The following METAP1D variants were observed in gnomAD, a reference collection of about 807,000 sequenced individuals.
The protein encoded by METAP1D is methionyl aminopeptidase type 1D, mitochondrial, also known as methionine aminopeptidase 1D, mitochondrial.
Under a neutral mutation model 40.5 loss-of-function variants are expected in METAP1D, and 31 were observed. The ratio of observed to expected loss-of-function variants is 0.77; its 90% CI spans 0.58 to 1.03. METAP1D has a LOEUF of 1.03. Among genes scored for constraint, METAP1D ranks in the 50% least tolerant of loss-of-function variants. The probability of loss-of-function intolerance (pLI) is 0.00; values close to 1 mark genes in which losing one functional copy is unlikely to be tolerated. For missense variants in METAP1D, 411 were observed against 420.7 expected, an observed-to-expected ratio of 0.98 and a Z score of 0.20; for synonymous variants, 151 against 146.4, an observed-to-expected ratio of 1.03 and a Z score of -0.22.
Position 172,036,333 on chromosome 2 carries a change from G to A in METAP1D, c.41-25165G>A, listed in dbSNP as rs895473710. Among the ~76,000 whole-genome samples, 108 of 136,560 alleles carry A rather than the reference G, an allele frequency of 7.9e-4. 3 individuals carry two copies. Among genetic ancestry groups the A allele is most frequent in the Non-Finnish European group, 1.7e-4 (11 of 63,578 alleles). 89.6% of individuals were successfully genotyped at this position (136,560 alleles called of 152,430 possible). ...CTCTGTCTCAAGAAAAAAAAAAAAA[G>A]AATTTACTGTAATTTATTCTGTAGT... On this transcript the variant is annotated intron_variant, in intron 1 of 9. Transcript: ENST00000315796.
chr2:172,081,024 C>T lies in METAP1D; in HGVS notation c.*618C>T, dbSNP rs1419916429. 1 of 156,648 alleles carries T rather than the reference C, an allele frequency of 6.4e-6. No homozygotes were observed. The highest frequency in any genetic ancestry group is 1.4e-5 in the Non-Finnish European group (1 of 70,950). 9.7% of individuals were successfully genotyped at this position (156,648 alleles called of 1,614,324 possible). On this transcript the variant is annotated 3_prime_UTR_variant, in exon 10 of 10. Transcript: ENST00000315796. Reference sequence around the variant, plus strand: ...ACAGAGGCATTGATTACAAACATGTCCTTGGCAGTGGACTCTGGGCCTGGC... The same window carrying T: ...ACAGAGGCATTGATTACAAACATGTTCTTGGCAGTGGACTCTGGGCCTGGC...
At chr2:172,007,303 G>A (rs1391674332) in intron 1 of METAP1D, among the ~76,000 whole-genome samples, 1 of 151,590 alleles carries the variant, frequency 6.6e-6, no homozygotes, top group Non-Finnish European at 1.5e-5. Flanking sequence ...CCAAGTAGCT[G>A]GGACTATAGG....
intron 1 of METAP1D, among the ~76,000 whole-genome samples, chr2:172,037,398 C>T (rs376376868): frequency 7.2e-5 from 11 of 151,944 alleles, no homozygotes; most frequent in East Asian, 3.9e-4. Context: ...ACAACTGCTA[C>T]GCTAGAGACC....
At chr2:172,043,664 T>TA (rs929922827) in intron 1 of METAP1D, among the ~76,000 whole-genome samples, 5 of 133,970 alleles carry the variant, frequency 3.7e-5, no homozygotes, top group African/African-American at 1.3e-4. Context: ...ACCAAGGAGT[T>TA]AAAAAAAACC....
At chr2:172,022,168 T>C (rs1689022980) in intron 1 of METAP1D, among the ~76,000 whole-genome samples, 1 of 152,126 alleles carries the variant, frequency 6.6e-6, no homozygotes, top group Non-Finnish European at 1.5e-5. Flanking sequence ...ATAAACATGA[T>C]CCCACCCTGC....
chr2:172,030,580 T>C (rs1689219501), intron 1 of METAP1D, among the ~76,000 whole-genome samples: 1 of 152,222 alleles, frequency 6.6e-6, no homozygotes. Context: ...GGAAAGCATC[T>C]TTCTAAATTC....
rs763256007 is a variant in METAP1D, at chr2:172,080,455, C to T, written c.*49C>T. ...ACCTGGTGCCTTTTTAAATAAATTG[C>T]TGAAATTTGGCTGGAGAACTTTTAG... On this transcript the variant is annotated 3_prime_UTR_variant, in exon 10 of 10. Transcript: ENST00000315796. The T allele has an allele frequency of 1.3e-5, 20 of 1,587,330 alleles. No homozygotes were observed. The East Asian group carries it at 4.0e-4, about 32-fold the overall frequency.
chr2:172,061,868 CT>C, intron 2 of METAP1D: 1 of 350,366 alleles, frequency 2.9e-6, no homozygotes, highest in Non-Finnish European at 5.1e-6. Flanking sequence ...CTTTCAATTG[CT>C]TAGAGTATTT....
At chr2:172,016,275 C>CAAAA (rs1172458646) in intron 1 of METAP1D, among the ~76,000 whole-genome samples, 394 of 9,714 alleles carry the variant, frequency 0.041, 120 homozygotes, top group African/African-American at 0.094. Flanking sequence ...GACCCTGTCT[C>CAAAA]AAAAAAAAAA....
At chr2:172,012,868 C>T (rs767136411) in intron 1 of METAP1D, among the ~76,000 whole-genome samples, 1 of 152,166 alleles carries the variant, frequency 6.6e-6, no homozygotes, top group Non-Finnish European at 1.5e-5. Flanking sequence ...AACATACCTA[C>T]TAGATCTCCC....
At chr2:172,078,798 T>C (rs1246344369) in intron 7 of METAP1D, among the ~76,000 whole-genome samples, 1 of 152,136 alleles carries the variant, frequency 6.6e-6, no homozygotes, top group African/African-American at 2.4e-5. Context: ...CCCCACAACC[T>C]GCACCAAAGG....
intron 1 of METAP1D, among the ~76,000 whole-genome samples, chr2:172,006,996 A>G (rs1271432407): frequency 6.6e-6 from 1 of 152,060 alleles, no homozygotes; most frequent in African/African-American, 2.4e-5. Flanking sequence ...CTGTTCACTC[A>G]TTATGTTCAT....
Position 172,042,579 on chromosome 2 carries a change from ATG to A in METAP1D, c.41-18913_41-18912del, listed in dbSNP as rs1553493767. Among the ~76,000 whole-genome samples, 4 of 51,986 alleles carry A rather than the reference ATG, an allele frequency of 7.7e-5. 2 individuals are homozygous for A. Among genetic ancestry groups the A allele is most frequent in the African/African-American group, 2.6e-4 (4 of 15,208 alleles). 34.1% of individuals were successfully genotyped at this position (51,986 alleles called of 152,430 possible). A position where few individuals can be genotyped will look rare whatever the true frequency, so the allele number is the denominator to read the frequency against. The stretch of plus-strand genomic sequence containing the variant: ...TGTACATGTGCACATATATACATAT[ATG>A]TGTGTATGTGTACATGTGCACATAT... On this transcript the variant is annotated intron_variant, in intron 1 of 9. Transcript: ENST00000315796.
At chr2:172,072,989 T>C (rs1690458633) in intron 6 of METAP1D, among the ~76,000 whole-genome samples, 1 of 152,196 alleles carries the variant, frequency 6.6e-6, no homozygotes. Flanking sequence ...AAAGAGCATC[T>C]AGGCCTTTTA....
At chr2:172,042,991 G>C (rs906509133) in intron 1 of METAP1D, among the ~76,000 whole-genome samples, 1 of 116,504 alleles carries the variant, frequency 8.6e-6, no homozygotes, top group African/African-American at 2.7e-5. Flanking sequence ...ATATGTGTGC[G>C]TGTGTACACA....
intron 1 of METAP1D, among the ~76,000 whole-genome samples, chr2:172,024,754 G>GTGTGTGTGTGTA (rs1196851144): frequency 5.5e-5 from 5 of 90,254 alleles, no homozygotes; most frequent in African/African-American, 1.6e-4. Context: ...TAGATTGTGT[G>GTGTGTGTGTGTA]TGTGTGTGTG....
At position 172,080,136 on chromosome 2, in the gene METAP1D, A is replaced by G. The variant is rs751327455; in HGVS notation, c.859A>G (p.Ile287Val). The change falls in exon 9 of 10, where the codon ATC becomes GTC. Residue 287 changes from isoleucine (I) to valine (V), a missense_variant. Physicochemically the swap from Ile to Val is conservative, Grantham distance 29. Transcript: ENST00000315796. ...EGMAFTIEPI[I>V]TEGSPEFKVL... is the part of the protein sequence containing the mutation. ...TATTTTTCCTCTTACAGAGCCAATCATCACGGAGGGATCCCCTGAATTTAA... is the reference window on the plus strand; with the variant it reads ...TATTTTTCCTCTTACAGAGCCAATCGTCACGGAGGGATCCCCTGAATTTAA... 3.1e-6 allele frequency: 5 copies of G among 1,613,956 alleles called. No individual in the cohort carries two copies. The highest frequency in any genetic ancestry group is 2.7e-5 in the African/African-American group (2 of 74,938).
At chr2:172,025,210 A>T (rs1171218405) in intron 1 of METAP1D, among the ~76,000 whole-genome samples, 3 of 152,224 alleles carry the variant, frequency 2.0e-5, no homozygotes, top group African/African-American at 4.8e-5. Context: ...CTACATTTTA[A>T]TAAGCACCTA....
intron 1 of METAP1D, among the ~76,000 whole-genome samples, chr2:172,026,579 C>T (rs1689124351): frequency 2.0e-5 from 3 of 152,198 alleles, no homozygotes; most frequent in African/African-American, 7.2e-5. Context: ...TCACAGATTT[C>T]ACAGTGAGCC....
Sources: allele counts gnomAD v4.1 joint callset (sites outside exome capture counted in the v4.1 genomes callset), GRCh38; gene constraint gnomAD v4.1.1; transcripts MANE v1.5; gene names NCBI Gene and HGNC (gene_info 2026-07-23, HGNC 2026-07-21).